NOL4: variants seen among roughly 807,000 people sequenced by gnomAD.
The protein encoded by NOL4 is cancer/testis antigen 125.
Under a neutral mutation model 75.9 loss-of-function variants are expected in NOL4, and 17 were observed. The ratio of observed to expected loss-of-function variants is 0.22; its 90% CI spans 0.15 to 0.34. The LOEUF is 0.34. NOL4 is among the 10% of genes least tolerant of loss of function. The pLI is 1.00. For missense variants in NOL4, 614 were observed against 793.5 expected, an observed-to-expected ratio of 0.77 and a Z score of 2.72; for synonymous variants, 292 against 289.9, an observed-to-expected ratio of 1.01 and a Z score of -0.07.
chr18:33,922,905 T>C (rs2067122603), intron 9 of NOL4, among the ~76,000 whole-genome samples: 1 of 152,192 alleles, frequency 6.6e-6, no homozygotes, highest in Non-Finnish European at 1.5e-5. Context: ...ATTTATTATG[T>C]ATCCAGTGCA....
At chr18:33,977,517 T>C (rs7240148) in intron 6 of NOL4, among the ~76,000 whole-genome samples, 64,605 of 152,030 alleles carry the variant, frequency 0.42, 14,436 homozygotes, top group African/African-American at 0.52. Flanking sequence ...TGTGAGGCCT[T>C]CCCAGCCATG....
At chr18:33,897,104 G>C (rs539393031) in intron 9 of NOL4, among the ~76,000 whole-genome samples, 1 of 152,212 alleles carries the variant, frequency 6.6e-6, no homozygotes, top group South Asian at 2.1e-4. Context: ...TTACTAAAAA[G>C]TCAAAAAGTA....
chr18:33,956,657 T>C (rs978791981), intron 8 of NOL4, among the ~76,000 whole-genome samples: 3 of 152,168 alleles, frequency 2.0e-5, no homozygotes, highest in African/African-American at 4.8e-5. Flanking sequence ...TAGAATAAAG[T>C]TTAAAAATCA....
At chr18:34,058,851 T>A (rs982122676) in intron 5 of NOL4, among the ~76,000 whole-genome samples, 10 of 151,996 alleles carry the variant, frequency 6.6e-5, no homozygotes, top group African/African-American at 2.4e-4. Flanking sequence ...GTATTTAACT[T>A]ACAATTTCTA....
chr18:33,947,275 C>T (rs1357867858), intron 8 of NOL4, among the ~76,000 whole-genome samples: 1 of 151,714 alleles, frequency 6.6e-6, no homozygotes, highest in Non-Finnish European at 1.5e-5. Context: ...TTCATCATTA[C>T]ATTTGACAGT....
intron 6 of NOL4, among the ~76,000 whole-genome samples, chr18:34,016,551 G>A (rs745471233): frequency 1.3e-5 from 2 of 152,028 alleles, no homozygotes; most frequent in African/African-American, 2.4e-5. Flanking sequence ...TGCCAGGTAC[G>A]CTCTCTCATG....
chr18:34,207,765 A>T (rs2036223290), intron 1 of NOL4, among the ~76,000 whole-genome samples: 1 of 152,152 alleles, frequency 6.6e-6, no homozygotes, highest in African/African-American at 2.4e-5. Context: ...AGGAACATGT[A>T]GCCCTGAAAA....
At chr18:34,043,833 G>A (rs886750151) in intron 5 of NOL4, among the ~76,000 whole-genome samples, 5 of 151,982 alleles carry the variant, frequency 3.3e-5, no homozygotes, top group Admixed American at 6.6e-5. Context: ...GTGCCATCTC[G>A]AAAACATATA....
intron 5 of NOL4, among the ~76,000 whole-genome samples, chr18:34,080,356 T>C (rs1236300924): frequency 6.6e-6 from 1 of 152,210 alleles, no homozygotes; most frequent in African/African-American, 2.4e-5. Flanking sequence ...GCCTCTTCTA[T>C]TTTGCACACT....
At chr18:33,948,078 A>G (rs1454817630) in intron 8 of NOL4, among the ~76,000 whole-genome samples, 1 of 151,902 alleles carries the variant, frequency 6.6e-6, no homozygotes, top group Non-Finnish European at 1.5e-5. Flanking sequence ...CAATTACAAA[A>G]AAGTACAAAG....
chr18:33,940,692 AAAAAC>A (rs751876990), intron 9 of NOL4, among the ~76,000 whole-genome samples: 101 of 152,070 alleles, frequency 6.6e-4, no homozygotes, highest in African/African-American at 2.3e-3. Context: ...TTAAAGTACA[AAAAAC>A]AAAACAAAAC....
intron 5 of NOL4, among the ~76,000 whole-genome samples, chr18:34,076,413 C>T (rs1169895057): frequency 6.6e-6 from 1 of 152,182 alleles, no homozygotes; most frequent in Admixed American, 6.5e-5. Context: ...CAAAGGTCAT[C>T]CTGAATAGTG....
In NOL4 at chr18:33,988,498, G is replaced by A. The variant is rs1269273052; in HGVS notation, c.1057-30080C>T. 2.6e-5 allele frequency among the ~76,000 whole-genome samples: 4 copies of A among 152,118 alleles called. No homozygotes were observed. The East Asian group carries it at 7.8e-4, about 30-fold the overall frequency. On this transcript the variant is annotated intron_variant, in intron 6 of 10. Transcript: ENST00000261592. ...ATGTAAGAAGATGCAGGAGAGGTGG[G>A]GGCAGCTCCTCTTTCATAGTTACTC...
intron 6 of NOL4, among the ~76,000 whole-genome samples, chr18:33,980,389 C>G (rs901175684): frequency 6.6e-6 from 1 of 152,006 alleles, no homozygotes; most frequent in Non-Finnish European, 1.5e-5. Context: ...CAGTGAATAT[C>G]AGATAAAAAT....
At chr18:34,178,973 A>G (rs1436763368) in intron 1 of NOL4, among the ~76,000 whole-genome samples, 3 of 151,658 alleles carry the variant, frequency 2.0e-5, no homozygotes, top group Non-Finnish European at 4.4e-5. Flanking sequence ...AATAAAAATG[A>G]CTTAAATCAT....
intron 1 of NOL4, among the ~76,000 whole-genome samples, chr18:34,133,937 C>T (rs571981815): frequency 1.3e-5 from 2 of 152,048 alleles, no homozygotes; most frequent in East Asian, 3.9e-4. Context: ...GCAGGAGAAT[C>T]GCTTGAACCT....
intron 6 of NOL4, among the ~76,000 whole-genome samples, chr18:33,991,001 T>C (rs1351471813): frequency 6.6e-6 from 1 of 151,926 alleles, no homozygotes; most frequent in Non-Finnish European, 1.5e-5. Context: ...CAATATCTTA[T>C]ACCCGCTATG....
intron 8 of NOL4, among the ~76,000 whole-genome samples, chr18:33,947,610 G>A (rs1400902719): frequency 6.6e-6 from 1 of 151,486 alleles, no homozygotes; most frequent in Non-Finnish European, 1.5e-5. Context: ...TAAAATATTA[G>A]TTTACAATGG....
intron 1 of NOL4, among the ~76,000 whole-genome samples, chr18:34,199,445 C>T (rs2035578789): frequency 6.6e-6 from 1 of 151,696 alleles, no homozygotes; most frequent in South Asian, 2.1e-4. Context: ...TTATCTGTCC[C>T]CCCACACACA....
Sources: allele counts gnomAD v4.1 joint callset (sites outside exome capture counted in the v4.1 genomes callset), GRCh38; gene constraint gnomAD v4.1.1; transcripts MANE v1.5; gene names NCBI Gene and HGNC (gene_info 2026-07-23, HGNC 2026-07-21).